Variants in FAM227A observed in about 807,000 individuals in gnomAD.
FAM227A encodes the protein protein FAM227A.
Under a neutral mutation model 74.7 loss-of-function variants are expected in FAM227A, and 80 were observed. The ratio of observed to expected loss-of-function variants is 1.07; its 90% confidence interval spans 0.89 to 1.29. The LOEUF (loss-of-function observed/expected upper bound fraction) is 1.29. Ranked by LOEUF, FAM227A falls within the 50% of genes most tolerant of loss-of-function variation. The probability of loss-of-function intolerance (pLI) is 0.00; values close to 1 mark genes in which losing one functional copy is unlikely to be tolerated. For missense variants in FAM227A, 654 were observed against 683.4 expected (o/e 0.96, Z 0.48); for synonymous variants, 237 against 241.8 (o/e 0.98, Z 0.19).
intron 16 of FAM227A, among the ~76,000 whole-genome samples, chr22:38,590,772 G>A (rs924853262): frequency 1.5e-4 from 23 of 152,112 alleles, no homozygotes; most frequent in Non-Finnish European, 1.5e-5. Flanking sequence ...AGTGGTGTGA[G>A]TAATACATAA....
At chr22:38,620,862 C>A (rs1481823492) in intron 10 of FAM227A, among the ~76,000 whole-genome samples, 1 of 151,816 alleles carries the variant, frequency 6.6e-6, no homozygotes, top group Non-Finnish European at 1.5e-5. Context: ...GGCAGACACT[C>A]AACCCACAGG....
rs1360594302 is a variant in FAM227A at position 38,585,774 on chromosome 22, C to T, written c.*351G>A. Reference sequence around the variant, plus strand: ...GAGAACTTCGGAAACCTTTCTAAACCTGGGCTTGCTGCTGCGTAAAATGCA... The same window carrying T: ...GAGAACTTCGGAAACCTTTCTAAACTTGGGCTTGCTGCTGCGTAAAATGCA... On this transcript the variant is annotated 3_prime_UTR_variant, in exon 17 of 17. Transcript: ENST00000535113. The T allele has an allele frequency of 8.0e-6, 3 of 374,302 alleles. No individual in the cohort carries two copies. Among genetic ancestry groups the T allele is most frequent in the African/African-American group, 2.0e-5 (1 of 49,374 alleles). The allele number at this position is 374,302 out of a possible 1,614,324, so 23.2% of individuals were successfully genotyped here.
chr22:38,605,822 GC>G (rs1331602309), intron 12 of FAM227A, among the ~76,000 whole-genome samples: 4 of 152,172 alleles, frequency 2.6e-5, no homozygotes, highest in Admixed American at 2.6e-4. Flanking sequence ...TGGTCCCCAA[GC>G]TTTTTCTTTA....
chr22:38,598,168 T>C (rs1483135791), intron 14 of FAM227A, among the ~76,000 whole-genome samples: 1 of 152,090 alleles, frequency 6.6e-6, no homozygotes, highest in Non-Finnish European at 1.5e-5. Flanking sequence ...GCAGTCATCC[T>C]CTGTGCCTCC....
intron 15 of FAM227A, 86 bp downstream of exon 15, chr22:38,597,118 C>T: frequency 7.4e-7 from 1 of 1,345,654 alleles, no homozygotes; most frequent in Non-Finnish European, 1.0e-6. Flanking sequence ...CCCCCCTGCC[C>T]CACCAACCCA....
At position 38,582,388 on chromosome 22, in the gene FAM227A, G is replaced by A. The variant is rs767266237; in HGVS notation, c.*3737C>T. 3 of 1,550,348 alleles carry A rather than the reference G, an allele frequency of 1.9e-6. No homozygotes were observed. The highest frequency in any genetic ancestry group is 1.4e-5 in the African/African-American group (1 of 73,106). On this transcript the variant is annotated 3_prime_UTR_variant, in exon 17 of 17. Coordinates refer to ENST00000535113, the MANE Select transcript of FAM227A (RefSeq NM_001013647.2). Reference sequence around the variant, plus strand: ...TATCTTCTTCCATGCTGAGAGTATGGGTTTTCAGCAACACTGGGAATGACA... The same window carrying A: ...TATCTTCTTCCATGCTGAGAGTATGAGTTTTCAGCAACACTGGGAATGACA...
intron 9 of FAM227A, among the ~76,000 whole-genome samples, chr22:38,625,162 G>A (rs2091770006): frequency 6.6e-6 from 1 of 151,998 alleles, no homozygotes; most frequent in South Asian, 2.1e-4. Context: ...GGCCTTGTTG[G>A]GCGGATGACG....
rs1253725028 is a variant in FAM227A, at chr22:38,623,297, A to T, written c.851-18T>A. 4.0e-6 allele frequency: 6 copies of T among 1,513,306 alleles called. No individual in the cohort carries two copies. In the East Asian group the frequency reaches 1.2e-4, roughly 31 times the overall value. 93.7% of individuals were successfully genotyped at this position (1,513,306 alleles called of 1,614,324 possible). On this transcript the variant is annotated intron_variant, in intron 9 of 16. Coordinates refer to ENST00000535113, the MANE Select transcript of FAM227A (RefSeq NM_001013647.2). ...ATAGGTGCCTAAGGGAGGAGTCAAGAGTGAGAATGGGGCCGGGTGCGGTGG... is the reference window on the plus strand; with the variant it reads ...ATAGGTGCCTAAGGGAGGAGTCAAGTGTGAGAATGGGGCCGGGTGCGGTGG...
intron 8 of FAM227A, 56 bp downstream of exon 8, chr22:38,628,182 C>A: frequency 9.8e-7 from 1 of 1,017,444 alleles, no homozygotes; most frequent in South Asian, 1.4e-5. Flanking sequence ...CTCTTGGCAT[C>A]AGAAATGAAC....
intron 5 of FAM227A, 46 bp from the exon 6 acceptor site, chr22:38,636,643 A>C: frequency 6.6e-7 from 1 of 1,513,576 alleles, no homozygotes; most frequent in Non-Finnish European, 8.9e-7. Context: ...ACATTTTGAC[A>C]GTGTGAAACA....
Position 38,601,198 on chromosome 22 carries a change from T to C in FAM227A, c.1222-1277A>G, listed in dbSNP as rs1224265011. Among the ~76,000 whole-genome samples, 21 of 152,066 alleles carry C rather than the reference T, an allele frequency of 1.4e-4. No homozygotes were observed. The East Asian group carries it at 3.7e-3, about 27-fold the overall frequency. On this transcript the variant is annotated intron_variant, in intron 13 of 16. Transcript: ENST00000535113. ...TAAAGGAATAACATGATATGATGAA[T>C]ACTAATAAGATCAATCAGGCCAGGG...
chr22:38,639,849 T>TGCC, intron 3 of FAM227A, 125 bp from the exon 4 acceptor site: 1 of 698,820 alleles, frequency 1.4e-6, no homozygotes, highest in African/African-American at 1.8e-5. Context: ...TTGTGGACAG[T>TGCC]GCCTTGTCTT....
At chr22:38,632,646 C>G (rs1267993064) in intron 6 of FAM227A, among the ~76,000 whole-genome samples, 1 of 152,072 alleles carries the variant, frequency 6.6e-6, no homozygotes, top group African/African-American at 2.4e-5. Flanking sequence ...AGAGAGACGA[C>G]AGAGAGTAGA....
At chr22:38,619,281 G>C (rs2091638180) in intron 11 of FAM227A, among the ~76,000 whole-genome samples, 1 of 152,136 alleles carries the variant, frequency 6.6e-6, no homozygotes. Context: ...CTGGGGTGTG[G>C]AGGGTGTCAT....
chr22:38,619,657 T>C (rs1014974843), intron 11 of FAM227A, among the ~76,000 whole-genome samples: 2 of 152,000 alleles, frequency 1.3e-5, no homozygotes, highest in Non-Finnish European at 2.9e-5. Flanking sequence ...GGGGATAGGA[T>C]AGGGTCAGGT....
rs116896424 is a variant in FAM227A, at chr22:38,637,115, A to G, written c.373-518T>C. On this transcript the variant is annotated intron_variant, in intron 5 of 16. Coordinates refer to ENST00000535113, the MANE Select transcript of FAM227A (RefSeq NM_001013647.2). ...ACACGAACACAAATACGTAACTTCA[A>G]TCGTAATATGATTTATATATGATTC... is the stretch of plus-strand genomic sequence containing the variant. 1.2e-3 allele frequency among the ~76,000 whole-genome samples: 182 copies of G among 152,268 alleles called. 4 individuals carry two copies. The East Asian group carries it at 0.027, about 23-fold the overall frequency.
intron 16 of FAM227A, among the ~76,000 whole-genome samples, chr22:38,589,670 G>A (rs2090889051): frequency 6.6e-6 from 1 of 152,190 alleles, no homozygotes; most frequent in Non-Finnish European, 1.5e-5. Context: ...TGGGAAGACA[G>A]TGACCCACAA....
At chr22:38,640,486 C>T (rs1275598628) in intron 3 of FAM227A, among the ~76,000 whole-genome samples, 1 of 152,068 alleles carries the variant, frequency 6.6e-6, no homozygotes, top group Non-Finnish European at 1.5e-5. Context: ...CTGACTCTTC[C>T]CCACCCCCAT....
intron 2 of FAM227A, among the ~76,000 whole-genome samples, chr22:38,648,920 C>G (rs376581298): frequency 6.7e-6 from 1 of 150,000 alleles, no homozygotes; most frequent in Non-Finnish European, 1.5e-5. Flanking sequence ...TGCAGTGAGC[C>G]GAGTCTATGC....
Sources: gnomAD v4.1 joint callset for allele counts (sites outside exome capture counted in the v4.1 genomes callset) on GRCh38, gnomAD v4.1.1 for gene constraint, MANE v1.5 for transcripts, NCBI Gene and HGNC (gene_info 2026-07-23, HGNC 2026-07-21) for gene names.